Variants in DMRTC2 observed in about 807,000 individuals in gnomAD.
DMRTC2 encodes doublesex- and mab-3-related transcription factor C2.
In DMRTC2, 13 loss-of-function variants were observed where a neutral mutation model predicts 39.9. The ratio of observed to expected loss-of-function variants is 0.33; its 90% CI spans 0.21 to 0.52. The LOEUF (loss-of-function observed/expected upper bound fraction) is 0.52, where lower values mean the gene tolerates loss of function less well. Among genes scored for constraint, DMRTC2 ranks in the 20% least tolerant of loss-of-function variants. DMRTC2 has a pLI of 0.96. For missense variants in DMRTC2, 431 were observed against 472.8 expected (o/e 0.91, Z 0.82); for synonymous variants, 189 against 185.2 (o/e 1.02, Z -0.17).
chr19:41,848,448 A>G lies in DMRTC2; in HGVS notation c.371-4A>G. On this transcript the variant is annotated splice_region_variant and splice_polypyrimidine_tract_variant and intron_variant, in intron 3 of 8. Transcript: ENST00000269945. ...TCATTAGAGCTCTCCCTGGTCCTTCACAGCTGGAAAGGAGAACATAGCACC... is the reference window on the plus strand; with the variant it reads ...TCATTAGAGCTCTCCCTGGTCCTTCGCAGCTGGAAAGGAGAACATAGCACC... 1.3e-6 allele frequency: 2 copies of G among 1,599,046 alleles called. No homozygotes were observed. Among genetic ancestry groups the G allele is most frequent in the Non-Finnish European group, 1.7e-6 (2 of 1,172,878 alleles).
At position 41,850,343 on chromosome 19, in the gene DMRTC2, AC is replaced by A; in HGVS notation, c.791del (p.Pro264GlnfsTer38). The A allele has an allele frequency of 2.0e-6, 3 of 1,509,240 alleles. No homozygotes were observed. The highest frequency in any genetic ancestry group is 2.7e-6 in the Non-Finnish European group (3 of 1,130,130). 93.5% of individuals were successfully genotyped at this position (1,509,240 alleles called of 1,614,324 possible). A position where few individuals can be genotyped will look rare whatever the true frequency, so the allele number is the denominator to read the frequency against. On this transcript the variant is annotated frameshift_variant, in exon 7 of 9. Transcript: ENST00000269945. LOFTEE classifies it high-confidence loss of function. ...AACTCTGATACTCCAGCCCTGTGGC[AC>A]CCCAGACCCTCTTCAGCTACAGCCA... ...HSTLILQPCG[T>X]PDPLQLQPQA...
rs1196402697 is a variant in DMRTC2 at position 41,847,200 on chromosome 19, A to G, written c.-4-225A>G. 3.5e-5 allele frequency: 33 copies of G among 952,790 alleles called. No homozygotes were observed. In the East Asian group the frequency reaches 4.6e-4, roughly 13 times the overall value. 59.0% of individuals were successfully genotyped at this position (952,790 alleles called of 1,614,324 possible). On this transcript the variant is annotated intron_variant, in intron 1 of 8. Coordinates refer to ENST00000269945, the MANE Select transcript of DMRTC2 (RefSeq NM_001040283.3). Reference sequence around the variant, plus strand: ...ACTCCATCTCAAAAAAAAAAAAAAAAAAAAAGAAAGAACACAGAAGAGGAA... The same window carrying G: ...ACTCCATCTCAAAAAAAAAAAAAAAGAAAAAGAAAGAACACAGAAGAGGAA...
intron 5 of DMRTC2, 75 bp from the exon 6 acceptor site, chr19:41,849,054 AG>A (rs2073914323): frequency 3.1e-6 from 5 of 1,611,464 alleles, no homozygotes; most frequent in African/African-American, 1.3e-5. Flanking sequence ...AGAGGAAGAA[AG>A]CATAGGTGGG....
intron 3 of DMRTC2, among the ~76,000 whole-genome samples, 189 bp downstream of exon 3, chr19:41,848,070 G>C (rs936047539): frequency 6.6e-6 from 1 of 152,248 alleles, no homozygotes; most frequent in African/African-American, 2.4e-5. Context: ...GCTAGAGGCC[G>C]GGCACAGTGG....
At chr19:41,847,400 G>T in intron 1 of DMRTC2, 25 bp from the exon 2 acceptor site, 1 of 1,524,366 alleles carries the variant, frequency 6.6e-7, no homozygotes. Flanking sequence ...ACCTGGCTAT[G>T]CTTACCTTCC....
intron 1 of DMRTC2, among the ~76,000 whole-genome samples, chr19:41,846,879 A>G: frequency 8.6e-6 from 1 of 116,238 alleles, no homozygotes. Context: ...AAAATTTTTA[A>G]ATTAAAAAAA....
At chr19:41,848,311 A>T in intron 3 of DMRTC2, 141 bp from the exon 4 acceptor site, 1 of 672,190 alleles carries the variant, frequency 1.5e-6, no homozygotes, top group Non-Finnish European at 2.5e-6. Flanking sequence ...ACGCCACTGC[A>T]CTCCAGCCTG....
chr19:41,850,480 G>T (rs782643161), intron 7 of DMRTC2, 46 bp from the exon 8 acceptor site: 9 of 1,586,980 alleles, frequency 5.7e-6, no homozygotes, highest in Non-Finnish European at 7.7e-6. Flanking sequence ...TAGAGGGTGG[G>T]CAGAAGCGGG....
intron 5 of DMRTC2, 65 bp downstream of exon 5, chr19:41,849,040 G>A (rs2073914122): frequency 2.5e-6 from 4 of 1,611,686 alleles, no homozygotes; most frequent in Non-Finnish European, 2.5e-6. Context: ...ATATTGGAGA[G>A]GGAAGAGGAA....
intron 1 of DMRTC2, among the ~76,000 whole-genome samples, chr19:41,846,973 C>T (rs1555836047): frequency 6.6e-6 from 1 of 151,782 alleles, no homozygotes; most frequent in African/African-American, 2.4e-5. Flanking sequence ...GCCAGGAGTT[C>T]GAGACCAGCC....
chr19:41,850,959 G>T, intron 8 of DMRTC2: 1 of 418,084 alleles, frequency 2.4e-6, no homozygotes, highest in Non-Finnish European at 4.2e-6. Flanking sequence ...TTGCCCAAGG[G>T]CATATAGTGA....
At chr19:41,851,560 C>T (rs76867763) in intron 8 of DMRTC2, 24 bp from the exon 9 acceptor site, 1 of 1,605,012 alleles carries the variant, frequency 6.2e-7, no homozygotes, top group East Asian at 2.2e-5. Context: ...TGACCTGATC[C>T]TGCCCCTTCC....
intron 6 of DMRTC2, among the ~76,000 whole-genome samples, 160 bp downstream of exon 6, chr19:41,849,416 T>C (rs1555836852): frequency 1.3e-5 from 2 of 152,254 alleles, no homozygotes; most frequent in African/African-American, 2.4e-5. Context: ...GCTGTGATGC[T>C]TTGGACAATT....
Position 41,851,641 on chromosome 19 carries a change from C to T in DMRTC2, c.1049C>T (p.Ala350Val), listed in dbSNP as rs144913630. The T allele has an allele frequency of 1.2e-4, 196 of 1,614,072 alleles. No individual in the cohort carries two copies. Among genetic ancestry groups the T allele is most frequent in the Non-Finnish European group, 1.6e-4 (186 of 1,180,036 alleles). The change falls in exon 9 of 9, where the codon GCC (alanine) becomes GTC (valine). Residue 350 changes from alanine to valine, a missense_variant. Physicochemically the swap from Ala to Val is moderately conservative, Grantham distance 64 (BLOSUM62 0). Coordinates refer to ENST00000269945, the MANE Select transcript of DMRTC2 (RefSeq NM_001040283.3). ...GGCCCCTGTCTTCGACCCAGCCCAG[C>T]CCCCTCTGTTGCTCTGCATATTGGC... ...PVGPCLRPSP[A>V]PSVALHIGRL...
chr19:41,846,713 A>G (rs12971550), intron 1 of DMRTC2, among the ~76,000 whole-genome samples: 68,373 of 151,430 alleles, frequency 0.45, 16,230 homozygotes, highest in Middle Eastern at 0.58. Flanking sequence ...GACTACAGGC[A>G]CCCGCCACCA....
In DMRTC2 at chr19:41,850,710, G is replaced by A. The variant is rs368548939; in HGVS notation, c.991+10G>A. ...CCCTGTGGCCCACCAGGTGGGCCAT[G>A]AAAGGAGAGGATGGATAGGGATGGC... On this transcript the variant is annotated intron_variant, in intron 8 of 8. Coordinates refer to ENST00000269945, the MANE Select transcript of DMRTC2 (RefSeq NM_001040283.3). 105 of 1,553,142 alleles carry A rather than the reference G, an allele frequency of 6.8e-5. No homozygotes were observed. The highest frequency in any genetic ancestry group is 8.4e-5 in the Non-Finnish European group (97 of 1,151,240).
At chr19:41,846,978 C>T (rs2073867863) in intron 1 of DMRTC2, among the ~76,000 whole-genome samples, 1 of 151,656 alleles carries the variant, frequency 6.6e-6, no homozygotes, top group Admixed American at 6.6e-5. Context: ...GAGTTCGAGA[C>T]CAGCCTGGCC....
chr19:41,846,202 A>T (rs1218036022), intron 1 of DMRTC2, among the ~76,000 whole-genome samples: 1 of 152,126 alleles, frequency 6.6e-6, no homozygotes, highest in Non-Finnish European at 1.5e-5. Context: ...GGGGCATAAA[A>T]CTACTGGTAG....
At chr19:41,850,110 T>C (rs2073932620) in intron 6 of DMRTC2, 3 of 459,244 alleles carry the variant, frequency 6.5e-6, no homozygotes, top group Non-Finnish European at 3.8e-6. Flanking sequence ...TGATTTCCCA[T>C]AATCCTCACA....
Sources: allele counts gnomAD v4.1 joint callset (sites outside exome capture counted in the v4.1 genomes callset), GRCh38; gene constraint gnomAD v4.1.1; transcripts MANE v1.5; gene names NCBI Gene and HGNC (gene_info 2026-07-23, HGNC 2026-07-21).